The following NDUFS1 variants were observed in gnomAD, a reference collection of about 807,000 sequenced individuals.
NDUFS1 encodes NADH-ubiquinone oxidoreductase 75 kDa subunit, mitochondrial.
A neutral mutation model predicts 84.4 loss-of-function variants in NDUFS1; 61 were observed. The observed-to-expected ratio is 0.72, with a 90% CI of 0.59 to 0.89. The LOEUF (loss-of-function observed/expected upper bound fraction) is 0.89. Ranked by LOEUF, NDUFS1 falls within the 40% of genes least tolerant of loss-of-function variation. The probability of loss-of-function intolerance (pLI) is 0.00; values close to 1 mark genes in which losing one functional copy is unlikely to be tolerated. For synonymous variants in NDUFS1, 275 were observed against 290.0 expected (o/e 0.95, Z 0.53); for missense variants, 891 against 890.0 (o/e 1.00, Z -0.01).
intron 8 of NDUFS1, among the ~76,000 whole-genome samples, chr2:206,145,422 G>A (rs1692120718): frequency 6.6e-6 from 1 of 152,074 alleles, no homozygotes; most frequent in Non-Finnish European, 1.5e-5. Context: ...ACTGCTCCCG[G>A]CACACCCACA....
Position 206,144,908 on chromosome 2 carries a change from TCC to T in NDUFS1, c.854_855del (p.Trp285TyrfsTer3). ...PRMHEDINEE[W>X]ISDKTRFAYD... is the part of the protein sequence containing the mutation. ...AGCATATACCTGGTTTTATCAGAGA[TCC>T]ACTCTTCATTGATGTCCTCATGCAT... On this transcript the variant is annotated frameshift_variant, in exon 9 of 19. Coordinates refer to ENST00000233190, the MANE Select transcript of NDUFS1 (RefSeq NM_005006.7). LOFTEE classifies it high-confidence loss of function. 2 of 1,614,088 alleles carry T rather than the reference TCC, an allele frequency of 1.2e-6. No homozygotes were observed. Among genetic ancestry groups the T allele is most frequent in the Non-Finnish European group, 1.7e-6 (2 of 1,179,988 alleles).
rs773412433 is a variant in NDUFS1 at position 206,153,591 on chromosome 2, C to A, written c.61+27G>T. ...TTACAAAAATAAGGTCTAATATCCA[C>A]GAATGCAAATTTAAGAAAATACTCA... is the stretch of plus-strand genomic sequence containing the variant. On this transcript the variant is annotated intron_variant, in intron 2 of 18. Coordinates refer to ENST00000233190, the MANE Select transcript of NDUFS1 (RefSeq NM_005006.7). 4.3e-6 allele frequency: 6 copies of A among 1,398,722 alleles called. No individual in the cohort carries two copies. The Admixed American group carries it at 8.4e-5, about 20-fold the overall frequency. The allele number at this position is 1,398,722 out of a possible 1,614,324, so 86.6% of individuals were successfully genotyped here.
In NDUFS1 at chr2:206,144,951, C is replaced by A. The variant is rs753707975; in HGVS notation, c.813G>T (p.Met271Ile). ...CCTCATGCATACGTGGCAAAATCCT[C>A]ATCACTTCTCCAGTTCTTGTGCTAA... ...IVVSTRTGEV[M>I]RILPRMHEDI... The change falls in exon 9 of 19, where the codon ATG (methionine) becomes ATT (isoleucine). Residue 271 changes from methionine (M) to isoleucine (I), a missense_variant. Met to Ile is a conservative substitution (Grantham distance 10, BLOSUM62 1). Transcript: ENST00000233190. 1.2e-6 allele frequency: 2 copies of A among 1,613,998 alleles called. No individual in the cohort carries two copies. Among genetic ancestry groups the A allele is most frequent in the Non-Finnish European group, 1.7e-6 (2 of 1,179,992 alleles).
intron 1 of NDUFS1, 177 bp downstream of exon 1, chr2:206,159,164 G>A (rs776544692): frequency 2.2e-5 from 34 of 1,535,362 alleles, no homozygotes; most frequent in Middle Eastern, 1.7e-4. Flanking sequence ...ACCAGAGACC[G>A]TGGCTAAAAG....
In NDUFS1 at chr2:206,132,978, G is replaced by GT; in HGVS notation, c.1519dup (p.Thr507AsnfsTer3). The GT allele has an allele frequency of 6.2e-7, 1 of 1,613,820 alleles. No individual in the cohort carries two copies. On this transcript the variant is annotated frameshift_variant, in exon 14 of 19. Coordinates refer to ENST00000233190, the MANE Select transcript of NDUFS1 (RefSeq NM_005006.7). LOFTEE classifies it high-confidence loss of function. ...GATATTCATAACTTTCCAATCACCA[G>GT]TAACACCACTAGTCATCCGAATCTT...
At chr2:206,146,234 G>A (rs982449820) in intron 8 of NDUFS1, among the ~76,000 whole-genome samples, 1 of 152,186 alleles carries the variant, frequency 6.6e-6, no homozygotes, top group Non-Finnish European at 1.5e-5. Context: ...ATTAAAATAT[G>A]TTGAAAGAAC....
chr2:206,143,893 AAGG>A (rs1408032573), intron 10 of NDUFS1, 122 bp downstream of exon 10: 1 of 774,894 alleles, frequency 1.3e-6, no homozygotes, highest in African/African-American at 1.7e-5. Flanking sequence ...TGTAAAATGG[AAGG>A]AGATTAAATC....
In NDUFS1 at chr2:206,147,598, C is replaced by T; in HGVS notation, c.484G>A (p.Asp162Asn). 1.9e-6 allele frequency: 3 copies of T among 1,614,146 alleles called. No individual in the cohort carries two copies. Among genetic ancestry groups the T allele is most frequent in the Non-Finnish European group, 2.5e-6 (3 of 1,180,022 alleles). The change falls in exon 7 of 19, where the codon GAC becomes AAC. Residue 162 changes from aspartate (D) to asparagine (N), a missense_variant. Coordinates refer to ENST00000233190, the MANE Select transcript of NDUFS1 (RefSeq NM_005006.7). ...TTTACCAATGGCCCAATGTTCTTGT[C>T]TTCCACAGCACGCTTCCCCTCTAAA... ...RFLEGKRAVEDKNIGPLVKTI... is the reference protein window; with the variant it reads ...RFLEGKRAVENKNIGPLVKTI...
In NDUFS1 at chr2:206,128,704, CCGTGAGGCTGGGGCTG is replaced by C. The variant is rs201936783; in HGVS notation, c.1709-748_1709-733del. ...GCTGAGGCATGAGAATCGTTTGAAC[CCGTGAGGCTGGGGCTG>C]CAGTGAGCCGAGATCACACCACTGC... On this transcript the variant is annotated intron_variant, in intron 15 of 18. Coordinates refer to ENST00000233190, the MANE Select transcript of NDUFS1 (RefSeq NM_005006.7). 7.9e-3 allele frequency among the ~76,000 whole-genome samples: 1,194 copies of C among 151,708 alleles called. 7 individuals are homozygous for C. The highest frequency in any genetic ancestry group is 0.031 in the South Asian group (147 of 4,812).
Position 206,116,007 on chromosome 2 carries a change from G to T in NDUFS1, c.*8178C>A. 1 of 749,728 alleles carries T rather than the reference G, an allele frequency of 1.3e-6. No homozygotes were observed. The highest frequency in any genetic ancestry group is 2.5e-5 in the East Asian group (1 of 40,410). 46.4% of individuals were successfully genotyped at this position (749,728 alleles called of 1,614,324 possible). A position where few individuals can be genotyped will look rare whatever the true frequency, so the allele number is the denominator to read the frequency against. On this transcript the variant is annotated 3_prime_UTR_variant, in exon 19 of 19. Transcript: ENST00000233190. ...TAACAGTAGTTTTTTTTTCCCATGG[G>T]TAATGCTAAAAGTTGCTATTCTAAG...
At chr2:206,153,983 C>T (rs1467649977) in intron 1 of NDUFS1, among the ~76,000 whole-genome samples, 1 of 152,166 alleles carries the variant, frequency 6.6e-6, no homozygotes, top group African/African-American at 2.4e-5. Context: ...AAAGCACTAC[C>T]ACACAGTAAA....
chr2:206,153,559 T>C, intron 2 of NDUFS1, 59 bp downstream of exon 2: 1 of 1,039,554 alleles, frequency 9.6e-7, no homozygotes, highest in South Asian at 1.3e-5. Flanking sequence ...GCCATAGACT[T>C]ATAAATTTAC....
chr2:206,136,044 T>TTTTC (rs1691697605), intron 13 of NDUFS1, among the ~76,000 whole-genome samples: 1 of 151,768 alleles, frequency 6.6e-6, no homozygotes, highest in African/African-American at 2.4e-5. Context: ...TTTTTTTTTT[T>TTTTC]TTTCTTTCTT....
chr2:206,126,679 T>C, intron 17 of NDUFS1, 31 bp downstream of exon 17: 2 of 1,614,102 alleles, frequency 1.2e-6, no homozygotes, highest in South Asian at 2.2e-5. Context: ...AGATACAACA[T>C]TATGAAAACT....
chr2:206,130,713 T>G (rs561174646), intron 14 of NDUFS1, among the ~76,000 whole-genome samples: 2 of 152,232 alleles, frequency 1.3e-5, no homozygotes, highest in Non-Finnish European at 2.9e-5. Context: ...AGCAGTCTTT[T>G]ACTGTTTTGA....
intron 13 of NDUFS1, among the ~76,000 whole-genome samples, chr2:206,135,975 C>T (rs1020422443): frequency 1.3e-5 from 2 of 151,720 alleles, no homozygotes; most frequent in Admixed American, 6.6e-5. Context: ...AATGCACTGA[C>T]GACAGCAAAG....
At chr2:206,130,421 C>A (rs772692387) in intron 14 of NDUFS1, among the ~76,000 whole-genome samples, 179 bp from the exon 15 acceptor site, 17 of 151,118 alleles carry the variant, frequency 1.1e-4, no homozygotes, top group Non-Finnish European at 2.5e-4. Flanking sequence ...GTGGCGTGAT[C>A]TCGGCTCACT....
intron 12 of NDUFS1, among the ~76,000 whole-genome samples, 197 bp downstream of exon 12, chr2:206,141,744 C>G (rs1033034108): frequency 6.7e-6 from 1 of 148,548 alleles, no homozygotes; most frequent in Non-Finnish European, 1.5e-5. Flanking sequence ...CTTGCAGAGC[C>G]GAGATCCTGC....
intron 12 of NDUFS1, 130 bp from the exon 13 acceptor site, chr2:206,138,744 T>C (rs987200702): frequency 2.0e-6 from 2 of 1,024,454 alleles, no homozygotes; most frequent in South Asian, 2.7e-5. Flanking sequence ...TTAACAGATA[T>C]GATTTACTAC....
Sources: gnomAD v4.1 joint callset for allele counts (sites outside exome capture counted in the v4.1 genomes callset) on GRCh38, gnomAD v4.1.1 for gene constraint, MANE v1.5 for transcripts, NCBI Gene and HGNC (gene_info 2026-07-23, HGNC 2026-07-21) for gene names.